TTC39B: variants seen among roughly 807,000 people sequenced by gnomAD.
The protein encoded by TTC39B is tetratricopeptide repeat domain 39B, also known as tetratricopeptide repeat protein 39B.
TTC39B carries 92 observed loss-of-function variants against 96.6 expected under a neutral mutation model. That is an observed-to-expected ratio of 0.95 (90% confidence interval 0.80 to 1.13). TTC39B has a LOEUF of 1.13. TTC39B is among the 50% of genes most tolerant of loss of function. The pLI is 0.00. For synonymous variants in TTC39B, 367 were observed against 299.4 expected, an observed-to-expected ratio of 1.23 and a Z score of -2.33; for missense variants, 955 against 809.3, an observed-to-expected ratio of 1.18 and a Z score of -2.18.
At chr9:15,295,755 T>C (rs1028384932) in intron 1 of TTC39B, among the ~76,000 whole-genome samples, 10 of 152,170 alleles carry the variant, frequency 6.6e-5, no homozygotes, top group South Asian at 2.1e-4. Flanking sequence ...TGAAATCACA[T>C]GTTCAAAGTC....
intron 6 of TTC39B, among the ~76,000 whole-genome samples, chr9:15,207,181 C>A (rs1469118269): frequency 6.6e-6 from 1 of 152,160 alleles, no homozygotes; most frequent in Non-Finnish European, 1.5e-5. Flanking sequence ...CAGTCCTGGG[C>A]AGTTCTTTAG....
rs113925513 is a variant in TTC39B at position 15,296,948 on chromosome 9, C to G, written c.240+10136G>C. Among the ~76,000 whole-genome samples the G allele has an allele frequency of 1.8e-3, 274 of 152,258 alleles. 2 individuals carry two copies. The highest frequency in any genetic ancestry group is 3.0e-3 in the Non-Finnish European group (205 of 68,018). On this transcript the variant is annotated intron_variant, in intron 1 of 19. Coordinates refer to ENST00000512701, the Ensembl canonical transcript of TTC39B. ...TCTGCAGTAAGCCATGATCACACCA[C>G]TCTAATCTAGCCTGTGTGACAGAGC...
At chr9:15,261,409 G>C (rs1286459540) in intron 2 of TTC39B, among the ~76,000 whole-genome samples, 3 of 152,054 alleles carry the variant, frequency 2.0e-5, no homozygotes, top group Non-Finnish European at 2.9e-5. Flanking sequence ...CAGGAGTTTG[G>C]GGCTGCAGTG....
At chr9:15,245,528 C>A (rs924398904) in intron 2 of TTC39B, among the ~76,000 whole-genome samples, 1 of 152,038 alleles carries the variant, frequency 6.6e-6, no homozygotes, top group Non-Finnish European at 1.5e-5. Context: ...AACACCTAAG[C>A]TAATATTAAG....
At chr9:15,304,412 C>T (rs1290419308) in intron 1 of TTC39B, among the ~76,000 whole-genome samples, 4 of 152,112 alleles carry the variant, frequency 2.6e-5, no homozygotes, top group African/African-American at 7.2e-5. Context: ...TGCTTGTGCT[C>T]CCCAATAACC....
At chr9:15,249,123 C>A (rs1213315343) in intron 2 of TTC39B, 3 of 152,170 alleles carry the variant, frequency 2.0e-5, no homozygotes, top group Admixed American at 2.0e-4. Context: ...ATTAACTTAT[C>A]TTTAGAGAAT....
exon 20 of TTC39B, chr9:15,169,353 G>A (rs1222542910): frequency 2.6e-5 from 4 of 152,074 alleles, no homozygotes; most frequent in South Asian, 2.1e-4. Context: ...CCTTGTCAGG[G>A]GGAAATCATG....
chr9:15,189,504 G>A (rs541461048), intron 13 of TTC39B, 70 bp downstream of exon 13: 1 of 1,521,982 alleles, frequency 6.6e-7, no homozygotes, highest in African/African-American at 1.4e-5. Flanking sequence ...TGAATAAGTA[G>A]GTCACAGCGA....
chr9:15,194,721 T>C (rs572060522), intron 8 of TTC39B, among the ~76,000 whole-genome samples: 1 of 152,348 alleles, frequency 6.6e-6, no homozygotes, highest in East Asian at 1.9e-4. Flanking sequence ...TATTACTGTA[T>C]CTGTTAATGG....
intron 2 of TTC39B, among the ~76,000 whole-genome samples, chr9:15,259,343 G>T (rs932712020): frequency 1.3e-5 from 2 of 152,236 alleles, no homozygotes; most frequent in African/African-American, 2.4e-5. Context: ...GTTGTTGGGG[G>T]TTACACCATT....
At chr9:15,235,053 C>T (rs1162285912) in intron 2 of TTC39B, among the ~76,000 whole-genome samples, 13 of 116,582 alleles carry the variant, frequency 1.1e-4, no homozygotes, top group African/African-American at 2.3e-4. Flanking sequence ...AAAACAAAAA[C>T]AAAACAAAAC....
At chr9:15,275,533 G>A (rs1038125640) in intron 1 of TTC39B, among the ~76,000 whole-genome samples, 2 of 152,124 alleles carry the variant, frequency 1.3e-5, no homozygotes, top group Non-Finnish European at 2.9e-5. Flanking sequence ...GCATCGATAC[G>A]CCAAGCGCTA....
intron 3 of TTC39B, among the ~76,000 whole-genome samples, chr9:15,218,632 T>TAAAAAAAAAAAAAAAAAAAAATATATATA (rs545882970): frequency 5.7e-5 from 6 of 105,110 alleles, no homozygotes; most frequent in African/African-American, 2.1e-4. Context: ...TTAGTCTATT[T>TAAAAAAAAAAAAAAAAAAAAATATATATA]TAAATATATA....
intron 3 of TTC39B, among the ~76,000 whole-genome samples, chr9:15,217,257 A>T (rs528633798): frequency 6.6e-6 from 1 of 152,266 alleles, no homozygotes; most frequent in Non-Finnish European, 1.5e-5. Context: ...AGGTGTTCCC[A>T]TTTTAACTCC....
rs1305500019 is a variant in TTC39B at position 15,225,739 on chromosome 9, G to A, written c.371+178C>T. Among the ~76,000 whole-genome samples, 4 of 152,212 alleles carry A rather than the reference G, an allele frequency of 2.6e-5. No individual in the cohort carries two copies. The South Asian group carries it at 8.3e-4, about 32-fold the overall frequency. On this transcript the variant is annotated intron_variant, in intron 3 of 19. Transcript: ENST00000512701. ...AGTGCCACCTATTCACTGAGTCCCT[G>A]AGCAGCCACCGTATCTCCTTCCCTG...
chr9:15,242,890 A>G (rs968194081), intron 2 of TTC39B, among the ~76,000 whole-genome samples: 1 of 152,252 alleles, frequency 6.6e-6, no homozygotes, highest in African/African-American at 2.4e-5. Flanking sequence ...GCTTATTGGC[A>G]TGATGATTCT....
At chr9:15,278,238 A>C (rs910781539) in intron 1 of TTC39B, among the ~76,000 whole-genome samples, 1 of 152,222 alleles carries the variant, frequency 6.6e-6, no homozygotes. Context: ...TTAACATTGA[A>C]CAAATACTTT....
At chr9:15,266,009 G>A (rs1198372957) in intron 2 of TTC39B, among the ~76,000 whole-genome samples, 1 of 152,158 alleles carries the variant, frequency 6.6e-6, no homozygotes, top group African/African-American at 2.4e-5. Context: ...GGGATGCTGA[G>A]GCAGAAAAAG....
intron 3 of TTC39B, among the ~76,000 whole-genome samples, chr9:15,216,163 C>G (rs1048397993): frequency 2.6e-5 from 4 of 152,180 alleles, no homozygotes; most frequent in Admixed American, 2.0e-4. Context: ...TTATTACCAT[C>G]CAAAAGTATC....
Sources: allele counts gnomAD v4.1 joint callset (sites outside exome capture counted in the v4.1 genomes callset), GRCh38; gene constraint gnomAD v4.1.1; transcripts MANE v1.5; gene names NCBI Gene and HGNC (gene_info 2026-07-23, HGNC 2026-07-21).